ACBD3: variants seen among roughly 807,000 people sequenced by gnomAD.
The protein encoded by ACBD3 is acyl-CoA binding domain containing 3.
ACBD3 carries 30 observed loss-of-function variants against 66.9 expected under a neutral mutation model. That is an observed-to-expected ratio of 0.45 (90% CI 0.34 to 0.61). ACBD3 has a LOEUF of 0.61. Among genes scored for constraint, ACBD3 ranks in the 20% least tolerant of loss-of-function variants. ACBD3 has a pLI of 0.02. For missense variants in ACBD3, 544 were observed against 664.5 expected, an observed-to-expected ratio of 0.82 and a Z score of 1.99; for synonymous variants, 278 against 259.8, an observed-to-expected ratio of 1.07 and a Z score of -0.68.
chr1:226,178,274 C>G (rs2102789917), intron 1 of ACBD3, among the ~76,000 whole-genome samples: 1 of 151,826 alleles, frequency 6.6e-6, no homozygotes, highest in South Asian at 2.1e-4. Flanking sequence ...ATTAAGTATA[C>G]AAAAGACTAT....
intron 1 of ACBD3, among the ~76,000 whole-genome samples, chr1:226,169,390 A>G (rs537090185): frequency 2.3e-4 from 35 of 151,600 alleles, no homozygotes; most frequent in Non-Finnish European, 3.4e-4. Context: ...TGGGACTACA[A>G]GCGCCCGCCA....
chr1:226,168,583 C>G (rs1294654281), intron 1 of ACBD3, among the ~76,000 whole-genome samples: 2 of 152,228 alleles, frequency 1.3e-5, no homozygotes, highest in East Asian at 3.9e-4. Flanking sequence ...GAGTGTAGTC[C>G]CATAAGATTA....
At chr1:226,169,484 C>G (rs1157410804) in intron 1 of ACBD3, among the ~76,000 whole-genome samples, 2 of 147,562 alleles carry the variant, frequency 1.4e-5, no homozygotes, top group Non-Finnish European at 3.0e-5. Context: ...CTCCTGACCT[C>G]GTGATCTGCC....
At chr1:226,154,594 C>G in intron 6 of ACBD3, 53 bp downstream of exon 6, 1 of 1,540,862 alleles carries the variant, frequency 6.5e-7, no homozygotes, top group Non-Finnish European at 8.8e-7. Flanking sequence ...TGACTTTTGC[C>G]TTTCACAGAT....
At chr1:226,152,826 GT>G (rs1213360529) in intron 6 of ACBD3, among the ~76,000 whole-genome samples, 1 of 152,152 alleles carries the variant, frequency 6.6e-6, no homozygotes. Context: ...GCACTCAGAG[GT>G]CATCGTACTT....
At chr1:226,172,882 G>T (rs1159091230) in intron 1 of ACBD3, among the ~76,000 whole-genome samples, 2 of 152,306 alleles carry the variant, frequency 1.3e-5, no homozygotes, top group South Asian at 4.1e-4. Flanking sequence ...GCTTGAGCCT[G>T]AAGGTCGAGG....
At chr1:226,163,424 T>G (rs1659807660) in intron 3 of ACBD3, among the ~76,000 whole-genome samples, 1 of 152,140 alleles carries the variant, frequency 6.6e-6, no homozygotes. Flanking sequence ...CACAATGGAC[T>G]GTAGGACATA....
chr1:226,168,649 T>G (rs779152005), intron 1 of ACBD3, among the ~76,000 whole-genome samples: 2 of 152,218 alleles, frequency 1.3e-5, no homozygotes, highest in African/African-American at 2.4e-5. Context: ...CACCATAACA[T>G]GATGCAACAT....
intron 5 of ACBD3, among the ~76,000 whole-genome samples, chr1:226,157,419 A>G (rs1471326803): frequency 1.3e-5 from 2 of 152,088 alleles, no homozygotes; most frequent in Non-Finnish European, 2.9e-5. Flanking sequence ...TTGTATTTTT[A>G]ATAGAGATGG....
At chr1:226,173,754 TTTC>T (rs1186195986) in intron 1 of ACBD3, among the ~76,000 whole-genome samples, 4 of 133,066 alleles carry the variant, frequency 3.0e-5, no homozygotes, top group Admixed American at 8.0e-5. Context: ...TTTTTTTTCT[TTTC>T]TTTTTTTTTT....
intron 1 of ACBD3, among the ~76,000 whole-genome samples, chr1:226,170,567 AC>A (rs1250843359): frequency 6.6e-6 from 1 of 151,974 alleles, no homozygotes. Flanking sequence ...CCTGAAGACA[AC>A]TTTTCTGATT....
intron 1 of ACBD3, among the ~76,000 whole-genome samples, chr1:226,171,629 C>G (rs2102786236): frequency 6.6e-6 from 1 of 152,074 alleles, no homozygotes; most frequent in South Asian, 2.1e-4. Flanking sequence ...CTTCTGCCTC[C>G]CGGGCTCAAG....
chr1:226,174,786 AG>A lies in ACBD3; in HGVS notation c.287-8787del, dbSNP rs564421996. ...GTCTCAAAAACAAACAAACAAAAAA[AG>A]AATACTGAATGCTAGAAAACAATGA... On this transcript the variant is annotated intron_variant, in intron 1 of 7. Transcript: ENST00000366812. Among the ~76,000 whole-genome samples the A allele has an allele frequency of 4.4e-3, 670 of 151,882 alleles. 1 individual carries two copies. Among genetic ancestry groups the A allele is most frequent in the Middle Eastern group, 0.041 (12 of 292 alleles).
At chr1:226,159,997 ATT>A (rs1659741735) in intron 4 of ACBD3, among the ~76,000 whole-genome samples, 1 of 152,228 alleles carries the variant, frequency 6.6e-6, no homozygotes, top group African/African-American at 2.4e-5. Context: ...ACAGCATTTA[ATT>A]TAAAGCCTGT....
intron 1 of ACBD3, among the ~76,000 whole-genome samples, chr1:226,177,024 C>T (rs1656051294): frequency 6.6e-6 from 1 of 152,074 alleles, no homozygotes; most frequent in Non-Finnish European, 1.5e-5. Context: ...TGGTAATGTA[C>T]CGAAGATTAC....
intron 1 of ACBD3, among the ~76,000 whole-genome samples, chr1:226,170,783 C>T (rs944785398): frequency 5.9e-5 from 9 of 151,796 alleles, no homozygotes; most frequent in African/African-American, 1.9e-4. Flanking sequence ...CCAGATGATA[C>T]GTTTGCTTCT....
Position 226,159,226 on chromosome 1 carries a change from C to T in ACBD3, c.861G>A (p.Gln287=). ...GGACTTGATACAACTGCTGCATGTA[C>T]TGCTGATAGTGTTGCTCCTGCAACT... is the stretch of plus-strand genomic sequence containing the variant. ...IRQLQEQHYQ[Q]YMQQLYQVQL... Residue 287 remains glutamine (Q), a synonymous_variant, in exon 5 of 8, where the codon CAG becomes CAA. Transcript: ENST00000366812. The T allele has an allele frequency of 6.2e-7, 1 of 1,614,194 alleles. No homozygotes were observed. The highest frequency in any genetic ancestry group is 8.5e-7 in the Non-Finnish European group (1 of 1,180,012).
intron 1 of ACBD3, among the ~76,000 whole-genome samples, chr1:226,181,814 C>A (rs555131996): frequency 1.3e-5 from 2 of 152,202 alleles, no homozygotes. Context: ...AACCAAAATA[C>A]AATTCCCCAG....
rs750637911 is a variant in ACBD3, at chr1:226,145,215, C to T, written c.*1395G>A. 2.0e-5 allele frequency: 3 copies of T among 152,326 alleles called. No homozygotes were observed. The highest frequency in any genetic ancestry group is 6.6e-5 in the Admixed American group (1 of 15,248). The allele number at this position is 152,326 out of a possible 1,614,324, so 9.4% of individuals were successfully genotyped here. A position where few individuals can be genotyped will look rare whatever the true frequency, so the allele number is the denominator to read the frequency against. Reference sequence around the variant, plus strand: ...AGAACAGAGTTAGATATGTACAAAACCAGGTATTAAAAAACAGAAAGAAAT... The same window carrying T: ...AGAACAGAGTTAGATATGTACAAAATCAGGTATTAAAAAACAGAAAGAAAT... On this transcript the variant is annotated 3_prime_UTR_variant, in exon 8 of 8. Coordinates refer to ENST00000366812, the MANE Select transcript of ACBD3 (RefSeq NM_022735.4).
Sources: allele counts gnomAD v4.1 joint callset (sites outside exome capture counted in the v4.1 genomes callset), GRCh38; gene constraint gnomAD v4.1.1; transcripts MANE v1.5; gene names NCBI Gene and HGNC (gene_info 2026-07-23, HGNC 2026-07-21).